PNPLA6: variants seen among roughly 807,000 people sequenced by gnomAD.
The protein encoded by PNPLA6 is patatin-like phospholipase domain-containing protein 6.
PNPLA6 carries 105 observed loss-of-function variants against 153.7 expected under a neutral mutation model. The observed-to-expected ratio is 0.68, with a 90% confidence interval of 0.58 to 0.80. The LOEUF (loss-of-function observed/expected upper bound fraction) is 0.80. Among genes scored for constraint, PNPLA6 ranks in the 30% least tolerant of loss-of-function variants. PNPLA6 has a pLI of 0.00. For synonymous variants in PNPLA6, 825 were observed against 822.2 expected, an observed-to-expected ratio of 1.00 and a Z score of -0.06; for missense variants, 1,423 against 1,919.3, an observed-to-expected ratio of 0.74 and a Z score of 4.83.
Position 7,541,168 on chromosome 19 carries a change from G to A in PNPLA6, c.924+117G>A, listed in dbSNP as rs1405125779. On this transcript the variant is annotated intron_variant, in intron 7 of 31. Coordinates refer to ENST00000600737, the MANE Select transcript of PNPLA6 (RefSeq NM_001166114.2). The surrounding 1 kb of genome is among the most constrained non-coding windows in gnomAD (Gnocchi z 5.2). ...AGCAGGCGCTGGAGCTGTGGTTATC[G>A]GCCTGGAGCAGCCAGATGTCTGCAG... The A allele has an allele frequency of 3.1e-6, 4 of 1,310,290 alleles. No homozygotes were observed. The East Asian group carries it at 7.5e-5, about 25-fold the overall frequency. The allele number at this position is 1,310,290 out of a possible 1,614,324, so 81.2% of individuals were successfully genotyped here.
At position 7,555,170 on chromosome 19, in the gene PNPLA6, CGAA is replaced by C. The variant is rs1414318214; in HGVS notation, c.2818-77_2818-75del. On this transcript the variant is annotated intron_variant, in intron 22 of 31. Coordinates refer to ENST00000600737, the MANE Select transcript of PNPLA6 (RefSeq NM_001166114.2). This position sits in a 1 kb window ranked among gnomAD's most constrained non-coding sequence, Gnocchi z 6.3. ...GGCCTGGGAGGGCTGAGGACAGGCT[CGAA>C]GGTCAGGGTACCCCTGGGGGATCCG... The C allele has an allele frequency of 3.9e-6, 6 of 1,519,388 alleles. No individual in the cohort carries two copies. In the African/African-American group the frequency reaches 8.3e-5, roughly 21 times the overall value. The allele number at this position is 1,519,388 out of a possible 1,614,324, so 94.1% of individuals were successfully genotyped here.
rs752908818 is a variant in PNPLA6 at position 7,550,649 on chromosome 19, G to A, written c.2070+9G>A. The A allele has an allele frequency of 2.5e-6, 4 of 1,609,708 alleles. No individual in the cohort carries two copies. The highest frequency in any genetic ancestry group is 1.1e-5 in the South Asian group (1 of 90,752). The stretch of plus-strand genomic sequence containing the variant: ...GCGACCTCATCGGCGTGGTGAGCGC[G>A]ACCCCCACCCACTGACCTCTGGCCT... On this transcript the variant is annotated intron_variant, in intron 16 of 31. Transcript: ENST00000600737.
chr19:7,536,286 C>T lies in PNPLA6; in HGVS notation c.315+13C>T, dbSNP rs200676307. ...GATTATGCGGAAGGTGAGTCCGGGA[C>T]CCCTGGGGTCCGCCCTGACCACACA... is the stretch of plus-strand genomic sequence containing the variant. On this transcript the variant is annotated intron_variant, in intron 2 of 31. Coordinates refer to ENST00000600737, the MANE Select transcript of PNPLA6 (RefSeq NM_001166114.2). The T allele has an allele frequency of 1.3e-3, 2,010 of 1,600,444 alleles. 5 individuals carry two copies. The highest frequency in any genetic ancestry group is 1.7e-3 in the Admixed American group (104 of 60,012).
Position 7,560,704 on chromosome 19 carries a change from C to T in PNPLA6, c.3756C>T (p.Val1252=). 1 of 1,614,034 alleles carries T rather than the reference C, an allele frequency of 6.2e-7. No homozygotes were observed. ...AVFGGWSRGN[V]IEKMLTDRRS... is the part of the protein sequence containing the mutation. Reference sequence around the variant, plus strand: ...TTGGAGGCTGGAGCCGTGGCAACGTCATTGAGAAAATGCTCACAGACCGGC... The same window carrying T: ...TTGGAGGCTGGAGCCGTGGCAACGTTATTGAGAAAATGCTCACAGACCGGC... The change falls in exon 29 of 32, where the codon GTC becomes GTT. Residue 1252 remains valine (V), a synonymous_variant. Coordinates refer to ENST00000600737, the MANE Select transcript of PNPLA6 (RefSeq NM_001166114.2).
chr19:7,537,011 C>T (rs1317991518), intron 3 of PNPLA6, among the ~76,000 whole-genome samples: 1 of 151,374 alleles, frequency 6.6e-6, no homozygotes, highest in African/African-American at 2.4e-5. Context: ...ACTCTCCTCT[C>T]AGAGCTCTTC....
In PNPLA6 at chr19:7,560,634, C is replaced by T. The variant is rs1214946147; in HGVS notation, c.3700-14C>T. The T allele has an allele frequency of 3.8e-6, 6 of 1,576,562 alleles. No individual in the cohort carries two copies. The highest frequency in any genetic ancestry group is 2.7e-5 in the African/African-American group (2 of 74,168). On this transcript the variant is annotated splice_polypyrimidine_tract_variant and intron_variant, in intron 28 of 31. Coordinates refer to ENST00000600737, the MANE Select transcript of PNPLA6 (RefSeq NM_001166114.2). ...AGGGTTGCAGACATGGACCCAGCCC[C>T]TCATTTCCCACAGGATGTGGGCTAC...
rs1004108838 is a variant in PNPLA6 at position 7,541,799 on chromosome 19, G to A, written c.1168+115G>A. 3 of 1,267,498 alleles carry A rather than the reference G, an allele frequency of 2.4e-6. No homozygotes were observed. The highest frequency in any genetic ancestry group is 3.3e-6 in the Non-Finnish European group (3 of 902,606). The allele number at this position is 1,267,498 out of a possible 1,614,324, so 78.5% of individuals were successfully genotyped here. ...ACCTGACCTTGTCCAGCCCCACAGG[G>A]ACTCCATAGCGGGGTACCCAGGTCT... On this transcript the variant is annotated intron_variant, in intron 9 of 31. Transcript: ENST00000600737. This position sits in a 1 kb window ranked among gnomAD's most constrained non-coding sequence, Gnocchi z 5.2.
intron 27 of PNPLA6, chr19:7,557,640 C>T (rs1310602245): frequency 8.4e-6 from 3 of 358,966 alleles, no homozygotes. Context: ...AAAAAATTAA[C>T]CAGGCTGGTG....
intron 18 of PNPLA6, 106 bp downstream of exon 18, chr19:7,551,543 G>A: frequency 4.0e-6 from 4 of 1,012,328 alleles, no homozygotes; most frequent in Non-Finnish European, 6.2e-6. Flanking sequence ...ATGGAGTTCC[G>A]CGAAGAAATC....
rs1490391922 is a variant in PNPLA6, at chr19:7,542,036, C to T, written c.1221C>T (p.Ser407=). The T allele has an allele frequency of 6.8e-6, 11 of 1,607,302 alleles. No homozygotes were observed. The Middle Eastern group carries it at 5.0e-4, about 73-fold the overall frequency. ...AAACCCCCTCGGCCCCTCTGCTGAG[C>T]CGCTGCGTCTCCATGCCAGGGGACA... is the stretch of plus-strand genomic sequence containing the variant. The part of the protein sequence containing the change: ...SLETPSAPLL[S]RCVSMPGDIS... Residue 407 remains serine (S), a synonymous_variant, in exon 10 of 32, where the codon AGC becomes AGT. Transcript: ENST00000600737.
intron 13 of PNPLA6, 131 bp from the exon 14 acceptor site, chr19:7,549,776 C>T (rs1033077620): frequency 2.2e-6 from 2 of 895,050 alleles, no homozygotes; most frequent in Non-Finnish European, 3.5e-6. Context: ...CGTGAGCCAC[C>T]GCGCCCTGCG....
At chr19:7,539,726 C>T (rs943523378) in intron 3 of PNPLA6, among the ~76,000 whole-genome samples, 192 bp from the exon 4 acceptor site, 2 of 145,338 alleles carry the variant, frequency 1.4e-5, no homozygotes, top group Non-Finnish European at 3.0e-5. Flanking sequence ...CATTGCACTC[C>T]AGCCTGGGAA....
Position 7,542,813 on chromosome 19 carries a change from A to C in PNPLA6, c.1415A>C (p.Tyr472Ser). 6.2e-7 allele frequency: 1 copy of C among 1,613,062 alleles called. No individual in the cohort carries two copies. The highest frequency in any genetic ancestry group is 8.5e-7 in the Non-Finnish European group (1 of 1,179,936). ...CCGGCAGGCGCCTGTGAATACAGCT[A>C]CTGTGAGGATGAGTCGGCCACTGGT... Reference protein sequence around the residue: ...EQPAGACEYSYCEDESATGGC... With the variant: ...EQPAGACEYSSCEDESATGGC... Residue 472 changes from tyrosine to serine, a missense_variant, in exon 12 of 32, where the codon TAC (tyrosine) becomes TCC (serine). Tyr to Ser is a moderately radical substitution (Grantham distance 144). Around this residue, in one of 10 missense-constraint regions of PNPLA6, gnomAD observed 267 missense variants for 255.1 expected, o/e 1.05. Coordinates refer to ENST00000600737, the MANE Select transcript of PNPLA6 (RefSeq NM_001166114.2).
Position 7,539,911 on chromosome 19 carries a change from C to T in PNPLA6, c.414-7C>T. On this transcript the variant is annotated splice_polypyrimidine_tract_variant and splice_region_variant and intron_variant, in intron 3 of 31. Transcript: ENST00000600737. ...CCTCACCCCCGGCACCCCTCCCCTC[C>T]CACCAGGATCCTGCGCATCCAGAAA... 1 of 1,540,262 alleles carries T rather than the reference C, an allele frequency of 6.5e-7. No homozygotes were observed. Among genetic ancestry groups the T allele is most frequent in the Middle Eastern group, 2.3e-4 (1 of 4,366 alleles).
At chr19:7,552,750 C>G (rs1028226625) in intron 18 of PNPLA6, among the ~76,000 whole-genome samples, 3 of 98,348 alleles carry the variant, frequency 3.1e-5, no homozygotes, top group African/African-American at 1.2e-4. Flanking sequence ...AGCAAAACTC[C>G]ATCTCAAAAA....
In PNPLA6 at chr19:7,561,570, G is replaced by A. The variant is rs561526950; in HGVS notation, c.*8G>A. ...TCAGCCACAGATGCCTGAGGACCTCGACAGGGGTCACCCCCTCCCTCCCAC... is the reference window on the plus strand; with the variant it reads ...TCAGCCACAGATGCCTGAGGACCTCAACAGGGGTCACCCCCTCCCTCCCAC... On this transcript the variant is annotated 3_prime_UTR_variant, in exon 32 of 32. Coordinates refer to ENST00000600737, the MANE Select transcript of PNPLA6 (RefSeq NM_001166114.2). The A allele has an allele frequency of 7.7e-4, 1,216 of 1,583,310 alleles. 26 individuals are homozygous for A. In the South Asian group the frequency reaches 0.013, roughly 17 times the overall value.
rs1386869598 is a variant in PNPLA6 at position 7,555,506 on chromosome 19, G to A, written c.2937-101G>A. The A allele has an allele frequency of 2.8e-6, 4 of 1,438,958 alleles. No homozygotes were observed. The Admixed American group carries it at 7.8e-5, about 28-fold the overall frequency. The allele number at this position is 1,438,958 out of a possible 1,614,324, so 89.1% of individuals were successfully genotyped here. The stretch of plus-strand genomic sequence containing the variant: ...GGAGAGACCCCGTGGGTAGGGGCGG[G>A]TCCTTTGTTCCTTAGCAGTGCGGGA... On this transcript the variant is annotated intron_variant, in intron 23 of 31. Coordinates refer to ENST00000600737, the MANE Select transcript of PNPLA6 (RefSeq NM_001166114.2). The surrounding 1 kb of genome is among the most constrained non-coding windows in gnomAD (Gnocchi z 6.3).
In PNPLA6 at chr19:7,550,585, G is replaced by C. The variant is rs986569956; in HGVS notation, c.2015G>C (p.Gly672Ala). 3.7e-6 allele frequency: 6 copies of C among 1,613,016 alleles called. No individual in the cohort carries two copies. In the African/African-American group the frequency reaches 6.7e-5, roughly 18 times the overall value. Reference protein sequence around the residue: ...NGRLRSVIQRGSGKKELVGEY... With the variant: ...NGRLRSVIQRASGKKELVGEY... ...CGGCTGCGTAGCGTGATCCAGCGAG[G>C]CAGTGGCAAGAAGGAGCTGGTGGGC... The change falls in exon 16 of 32, where the codon GGC (glycine) becomes GCC (alanine). Residue 672 changes from glycine to alanine, a missense_variant. By Grantham distance (60) the Gly-to-Ala change is moderately conservative. Around this residue, in one of 10 missense-constraint regions of PNPLA6, gnomAD observed 63 missense variants for 166.2 expected, o/e 0.38. Coordinates refer to ENST00000600737, the MANE Select transcript of PNPLA6 (RefSeq NM_001166114.2).
Position 7,541,586 on chromosome 19 carries a change from G to A in PNPLA6, c.1070G>A (p.Gly357Asp). ...GLPTRTSPVR[G>D]SKRMVSTSAT... ...CCAACTCGCACCAGCCCTGTGCGGG[G>A]CTCCAAGAGAATGGTCAGCACCTCA... is the stretch of plus-strand genomic sequence containing the variant. The change falls in exon 9 of 32, where the codon GGC becomes GAC. Residue 357 changes from glycine (G) to aspartate (D), a missense_variant. Around this residue, in one of 10 missense-constraint regions of PNPLA6, gnomAD observed 267 missense variants for 255.1 expected, o/e 1.05. Coordinates refer to ENST00000600737, the MANE Select transcript of PNPLA6 (RefSeq NM_001166114.2). The surrounding 1 kb of genome is among the most constrained non-coding windows in gnomAD (Gnocchi z 5.2). 6.3e-7 allele frequency: 1 copy of A among 1,595,886 alleles called. No homozygotes were observed. The highest frequency in any genetic ancestry group is 1.7e-4 in the Middle Eastern group (1 of 6,044).
Sources: allele counts gnomAD v4.1 joint callset (sites outside exome capture counted in the v4.1 genomes callset), GRCh38; gene constraint gnomAD v4.1.1; regional missense constraint gnomAD v4.1.1; non-coding constraint Gnocchi (gnomAD v3.1); transcripts MANE v1.5; gene names NCBI Gene and HGNC (gene_info 2026-07-23, HGNC 2026-07-21).